The following SF3A2 variants were observed in gnomAD, a reference collection of about 807,000 sequenced individuals.
The protein encoded by SF3A2 is splicing factor 3a subunit 2, also known as SAP 62.
Under a neutral mutation model 31.1 loss-of-function variants are expected in SF3A2, and 5 were observed. The ratio of observed to expected loss-of-function variants is 0.16; its 90% confidence interval spans 0.08 to 0.34. The LOEUF (loss-of-function observed/expected upper bound fraction) is 0.34, where lower values mean the gene tolerates loss of function less well. SF3A2 is among the 10% of genes least tolerant of loss of function. SF3A2 has a pLI of 1.00. For missense variants in SF3A2, 577 were observed against 643.9 expected (o/e 0.90, Z 1.13); for synonymous variants, 365 against 263.7 (o/e 1.38, Z -3.72).
At position 2,247,769 on chromosome 19, in the gene SF3A2, C is replaced by T. The variant is rs1219661937; in HGVS notation, c.618C>T (p.Phe206=). 5.0e-6 allele frequency: 8 copies of T among 1,611,788 alleles called. No individual in the cohort carries two copies. Among genetic ancestry groups the T allele is most frequent in the Non-Finnish European group, 5.9e-6 (7 of 1,179,456 alleles). Residue 206 remains phenylalanine, a splice_region_variant and synonymous_variant, in exon 9 of 9, where the codon TTC becomes TTT. Transcript: ENST00000221494. ...WTHWNRETKQ[F]FLQFHFKMEK... ...TGAACCTTTCTCCGTCTCTCTAGTTCTTCCTCCAGTTCCACTTTAAGATGG... is the reference window on the plus strand; with the variant it reads ...TGAACCTTTCTCCGTCTCTCTAGTTTTTCCTCCAGTTCCACTTTAAGATGG...
Position 2,245,378 on chromosome 19 carries a change from C to A in SF3A2, c.246-68C>A, listed in dbSNP as rs2024922923. 8.3e-7 allele frequency: 1 copy of A among 1,207,898 alleles called. No individual in the cohort carries two copies. The highest frequency in any genetic ancestry group is 1.5e-5 in the African/African-American group (1 of 66,148). The allele number at this position is 1,207,898 out of a possible 1,614,324, so 74.8% of individuals were successfully genotyped here. ...AGCTCCAAGGTCAGGGGGCTCCTGG[C>A]ACCTGGGCCCATGGCTTTGGTGCCT... On this transcript the variant is annotated intron_variant, in intron 4 of 8. Transcript: ENST00000221494. This position sits in a 1 kb window ranked among gnomAD's most constrained non-coding sequence, Gnocchi z 4.2.
intron 1 of SF3A2, among the ~76,000 whole-genome samples, chr19:2,241,283 AT>A (rs1370570888): frequency 6.6e-6 from 1 of 151,974 alleles, no homozygotes; most frequent in African/African-American, 2.4e-5. Context: ...AAGAAGGCCG[AT>A]TCCCTGCCTT....
Position 2,248,047 on chromosome 19 carries a change from C to A in SF3A2, c.896C>A (p.Ser299Tyr). ...GCCCCAGTGGTGCATCCCCCTGCAT[C>A]TGGGGTCCATCCCCCAGCTCCTGGC... ...PPAPVVHPPA[S>Y]GVHPPAPGVH... The change falls in exon 9 of 9, where the codon TCT becomes TAT. Residue 299 changes from serine (S) to tyrosine (Y), a missense_variant. Transcript: ENST00000221494. The A allele has an allele frequency of 1.0e-6, 1 of 959,406 alleles. No homozygotes were observed. Among genetic ancestry groups the A allele is most frequent in the Admixed American group, 2.0e-5 (1 of 48,830 alleles). The allele number at this position is 959,406 out of a possible 1,614,324, so 59.4% of individuals were successfully genotyped here.
chr19:2,248,091 G>T lies in SF3A2; in HGVS notation c.940G>T (p.Gly314Cys). Residue 314 changes from glycine to cysteine, a missense_variant, in exon 9 of 9, where the codon GGC becomes TGC. Physicochemically the swap from Gly to Cys is radical, Grantham distance 159. Transcript: ENST00000221494. ...PAPGVHPPAP[G>C]VHPPAPGVHP... The stretch of plus-strand genomic sequence containing the variant: ...TCCTGGCGTCCACCCCCCAGCTCCT[G>T]GCGTCCATCCCCCAGCCCCTGGGGT... 1 of 984,652 alleles carries T rather than the reference G, an allele frequency of 1.0e-6. No homozygotes were observed. The allele number at this position is 984,652 out of a possible 1,614,324, so 61.0% of individuals were successfully genotyped here.
chr19:2,245,809 G>T lies in SF3A2; in HGVS notation c.355+254G>T, dbSNP rs1405012255. ...CCACAGTCTGTGCCCTCCTGTCCGG[G>T]TCTTGTGGAAGCTTCTGGGAATTCT... On this transcript the variant is annotated intron_variant, in intron 5 of 8. Coordinates refer to ENST00000221494, the MANE Select transcript of SF3A2 (RefSeq NM_007165.5). The surrounding 1 kb of genome is among the most constrained non-coding windows in gnomAD (Gnocchi z 4.2). The T allele has an allele frequency of 3.8e-6, 2 of 520,800 alleles. No individual in the cohort carries two copies. The highest frequency in any genetic ancestry group is 3.4e-6 in the Non-Finnish European group (1 of 291,230). 32.3% of individuals were successfully genotyped at this position (520,800 alleles called of 1,614,324 possible).
intron 1 of SF3A2, among the ~76,000 whole-genome samples, chr19:2,241,673 T>G (rs974766737): frequency 6.6e-6 from 1 of 152,124 alleles, no homozygotes; most frequent in African/African-American, 2.4e-5. Flanking sequence ...TCCTGAAGAA[T>G]GTGTGGCCAA....
At position 2,248,241 on chromosome 19, in the gene SF3A2, G is replaced by T; in HGVS notation, c.1090G>T (p.Val364Phe). The T allele has an allele frequency of 7.0e-7, 1 of 1,432,796 alleles. No homozygotes were observed. The allele number at this position is 1,432,796 out of a possible 1,614,324, so 88.8% of individuals were successfully genotyped here. A position where few individuals can be genotyped will look rare whatever the true frequency, so the allele number is the denominator to read the frequency against. ...TGGGGTTCACCCACCAGCCCCAGGG[G>T]TCCATCCTCCCCCATCAGCGGGGGT... The part of the protein sequence containing the change: ...APGVHPPAPG[V>F]HPPPSAGVHP... Residue 364 changes from valine (V) to phenylalanine (F), a missense_variant, in exon 9 of 9, where the codon GTC (valine) becomes TTC (phenylalanine). Transcript: ENST00000221494.
intron 1 of SF3A2, among the ~76,000 whole-genome samples, chr19:2,239,319 C>G (rs796562322): frequency 7.1e-6 from 1 of 139,866 alleles, no homozygotes; most frequent in Non-Finnish European, 1.5e-5. Context: ...GAGCCAAGAT[C>G]GAGCTACTGC....
At position 2,243,393 on chromosome 19, in the gene SF3A2, T is replaced by C; in HGVS notation, c.-26T>C. On this transcript the variant is annotated 5_prime_UTR_variant, in exon 2 of 9. Transcript: ENST00000221494. ...CTTGGCCTCCACAGGTGTCTCCCAG[T>C]CTGCTAAAGCCCTAAGGCCATCACC... 2 of 1,507,740 alleles carry C rather than the reference T, an allele frequency of 1.3e-6. No individual in the cohort carries two copies. The highest frequency in any genetic ancestry group is 1.8e-6 in the Non-Finnish European group (2 of 1,133,332). The allele number at this position is 1,507,740 out of a possible 1,614,324, so 93.4% of individuals were successfully genotyped here. A position where few individuals can be genotyped will look rare whatever the true frequency, so the allele number is the denominator to read the frequency against.
At chr19:2,237,318 G>A (rs996579772) in intron 1 of SF3A2, 1 of 150,438 alleles carries the variant, frequency 6.6e-6, no homozygotes, top group African/African-American at 2.4e-5. Flanking sequence ...TACTCGAGAG[G>A]ATCGCTTGAG....
At position 2,246,864 on chromosome 19, in the gene SF3A2, C is replaced by T. The variant is rs2024938764; in HGVS notation, c.406-18C>T. 2 of 1,612,412 alleles carry T rather than the reference C, an allele frequency of 1.2e-6. No homozygotes were observed. Among genetic ancestry groups the T allele is most frequent in the East Asian group, 2.2e-5 (1 of 44,862 alleles). ...GGCACCCAAGAGGCGGCTCTGCCACCCGGCCGTGTCCCTGCAGATTGACTA... is the reference window on the plus strand; with the variant it reads ...GGCACCCAAGAGGCGGCTCTGCCACTCGGCCGTGTCCCTGCAGATTGACTA... On this transcript the variant is annotated intron_variant, in intron 6 of 8. Coordinates refer to ENST00000221494, the MANE Select transcript of SF3A2 (RefSeq NM_007165.5). This position sits in a 1 kb window ranked among gnomAD's most constrained non-coding sequence, Gnocchi z 5.5.
chr19:2,239,103 G>A lies in SF3A2; in HGVS notation c.-38+2202G>A, dbSNP rs541100857. ...TTGTAGGCCGGGCGTGGTGGCTCAC[G>A]CCTGTAATCCCAGCACTTTGGGAGG... On this transcript the variant is annotated intron_variant, in intron 1 of 8. Transcript: ENST00000221494. Among the ~76,000 whole-genome samples the A allele has an allele frequency of 5.3e-5, 8 of 152,326 alleles. No individual in the cohort carries two copies. In the South Asian group the frequency reaches 6.2e-4, roughly 12 times the overall value.
intron 2 of SF3A2, 120 bp downstream of exon 2, chr19:2,243,664 C>A: frequency 8.5e-7 from 1 of 1,174,714 alleles, no homozygotes; most frequent in South Asian, 1.9e-5. Flanking sequence ...AGCCCCGTGT[C>A]CAGACGCTCC....
chr19:2,243,278 G>T, intron 1 of SF3A2, 104 bp from the exon 2 acceptor site: 1 of 907,994 alleles, frequency 1.1e-6, no homozygotes, highest in Non-Finnish European at 1.6e-6. Context: ...GGAGTGCAGG[G>T]TGAGGGGCAG....
intron 1 of SF3A2, among the ~76,000 whole-genome samples, chr19:2,238,720 C>A (rs78481493): frequency 0.026 from 3,893 of 152,328 alleles, 79 homozygotes; most frequent in East Asian, 0.081. Context: ...AAGCTCCCAC[C>A]TCTCACACAC....
At position 2,247,881 on chromosome 19, in the gene SF3A2, C is replaced by G. The variant is rs976917093; in HGVS notation, c.730C>G (p.Arg244Gly). 8.9e-6 allele frequency: 14 copies of G among 1,571,032 alleles called. No individual in the cohort carries two copies. Among genetic ancestry groups the G allele is most frequent in the Non-Finnish European group, 1.1e-5 (13 of 1,152,596 alleles). The change falls in exon 9 of 9, where the codon CGG becomes GGG. Residue 244 changes from arginine (R) to glycine (G), a missense_variant. Around this residue, in one of 6 missense-constraint regions of SF3A2, gnomAD observed 462 missense variants for 339.1 expected, o/e 1.36. Transcript: ENST00000221494. ...CCCGCTGATGAACGGTCTGCCCCCT[C>G]GGCCACCGCTGCCTGAGTCTTTGCC... ...PPPLMNGLPP[R>G]PPLPESLPPP...
rs1568390785 is a variant in SF3A2, at chr19:2,248,051, G to C, written c.900G>C (p.Gly300=). 7 of 949,264 alleles carry C rather than the reference G, an allele frequency of 7.4e-6. No individual in the cohort carries two copies. The highest frequency in any genetic ancestry group is 5.6e-5 in the South Asian group (4 of 72,004). The allele number at this position is 949,264 out of a possible 1,614,324, so 58.8% of individuals were successfully genotyped here. A position where few individuals can be genotyped will look rare whatever the true frequency, so the allele number is the denominator to read the frequency against. Residue 300 remains glycine, a synonymous_variant, in exon 9 of 9, where the codon GGG becomes GGC. Coordinates refer to ENST00000221494, the MANE Select transcript of SF3A2 (RefSeq NM_007165.5). ...CAGTGGTGCATCCCCCTGCATCTGG[G>C]GTCCATCCCCCAGCTCCTGGCGTCC... is the stretch of plus-strand genomic sequence containing the variant. The part of the protein sequence containing the change: ...PAPVVHPPAS[G]VHPPAPGVHP...
chr19:2,243,301 C>T (rs1421247334), intron 1 of SF3A2, 81 bp from the exon 2 acceptor site: 2 of 1,244,226 alleles, frequency 1.6e-6, no homozygotes, highest in Admixed American at 3.0e-5. Context: ...TCGAGGGCTC[C>T]AGCCCAGCCC....
chr19:2,247,492 G>T, intron 7 of SF3A2, 102 bp from the exon 8 acceptor site: 1 of 1,192,826 alleles, frequency 8.4e-7, no homozygotes, highest in Non-Finnish European at 1.2e-6. Flanking sequence ...GGGCTCCCAG[G>T]GTAGAGTCCG....
Sources: gnomAD v4.1 joint callset for allele counts (sites outside exome capture counted in the v4.1 genomes callset) on GRCh38, gnomAD v4.1.1 for gene constraint, gnomAD v4.1.1 regional missense constraint, Gnocchi (gnomAD v3.1) non-coding constraint, MANE v1.5 for transcripts, NCBI Gene and HGNC (gene_info 2026-07-23, HGNC 2026-07-21) for gene names.